The following CLTCL1 variants were observed in gnomAD, a reference collection of about 807,000 sequenced individuals.
The protein encoded by CLTCL1 is clathrin heavy chain 2.
In CLTCL1, 159 loss-of-function variants were observed where a neutral mutation model predicts 190.0. The observed-to-expected ratio is 0.84, with a 90% CI of 0.74 to 0.95. The LOEUF is 0.95. CLTCL1 is among the 40% of genes least tolerant of loss of function. CLTCL1 has a pLI of 0.00. For missense variants in CLTCL1, 1,878 were observed against 2,033.4 expected (o/e 0.92, Z 1.47); for synonymous variants, 752 against 769.6 (o/e 0.98, Z 0.38).
At chr22:19,222,590 A>T in intron 15 of CLTCL1, 94 bp downstream of exon 15, 1 of 1,427,400 alleles carries the variant, frequency 7.0e-7, no homozygotes, top group Non-Finnish European at 9.6e-7. Flanking sequence ...ATAGTCTCTG[A>T]AATGTCAGGT....
At chr22:19,279,085 T>C (rs547155498) in intron 1 of CLTCL1, among the ~76,000 whole-genome samples, 33 of 152,166 alleles carry the variant, frequency 2.2e-4, no homozygotes, top group African/African-American at 7.2e-4. Context: ...AGAAAAATCC[T>C]GAAAAATAGA....
intron 1 of CLTCL1, among the ~76,000 whole-genome samples, chr22:19,291,067 T>C (rs1555993088): frequency 6.6e-6 from 1 of 152,218 alleles, no homozygotes; most frequent in South Asian, 2.1e-4. Context: ...TGGGACCTTA[T>C]TAAAAAGGCA....
intron 1 of CLTCL1, among the ~76,000 whole-genome samples, chr22:19,283,315 C>T (rs1402951942): frequency 1.3e-5 from 2 of 151,954 alleles, no homozygotes; most frequent in Non-Finnish European, 2.9e-5. Context: ...GAGTCTTGCT[C>T]TGTCGCCAAG....
intron 2 of CLTCL1, among the ~76,000 whole-genome samples, chr22:19,268,709 T>C (rs191082326): frequency 4.6e-5 from 7 of 152,168 alleles, no homozygotes; most frequent in Admixed American, 4.6e-4. Flanking sequence ...AGTGTTGGCA[T>C]GGATGTGTGG....
At position 19,210,394 on chromosome 22, in the gene CLTCL1, T is replaced by C. The variant is rs563873320; in HGVS notation, c.3181A>G (p.Ser1061Gly). 147 of 1,614,052 alleles carry C rather than the reference T, an allele frequency of 9.1e-5. 2 individuals carry two copies. The South Asian group carries it at 1.5e-3, about 16-fold the overall frequency. Residue 1061 changes from serine (S) to glycine (G), a missense_variant, in exon 20 of 33, where the codon AGC becomes GGC. Physicochemically the swap from Ser to Gly is moderately conservative, Grantham distance 56. Coordinates refer to ENST00000427926, the MANE Select transcript of CLTCL1 (RefSeq NM_007098.4). The stretch of plus-strand genomic sequence containing the variant: ...AAGGCCTCCTCATACAGTGCGCTGC[T>C]GACAGCGATGCTCGCGATGTCCAGT... Reference protein sequence around the residue: ...DALDIASIAVSSALYEEAFTV... With the variant: ...DALDIASIAVGSALYEEAFTV...
At chr22:19,288,248 G>T (rs1366427020) in intron 1 of CLTCL1, among the ~76,000 whole-genome samples, 1 of 151,982 alleles carries the variant, frequency 6.6e-6, no homozygotes, top group African/African-American at 2.4e-5. Flanking sequence ...CTGGCATATT[G>T]TTATTATTGT....
At chr22:19,195,770 C>T (rs568503693) in intron 26 of CLTCL1, among the ~76,000 whole-genome samples, 3 of 152,158 alleles carry the variant, frequency 2.0e-5, no homozygotes, top group Non-Finnish European at 4.4e-5. Flanking sequence ...CAGAGAAACT[C>T]GGGTCCCGGT....
intron 3 of CLTCL1, among the ~76,000 whole-genome samples, chr22:19,244,171 T>C (rs559318369): frequency 1.9e-3 from 288 of 152,298 alleles, no homozygotes; most frequent in Non-Finnish European, 3.3e-3. Flanking sequence ...CTCAGTCTAT[T>C]CCTCACTCAC....
chr22:19,268,489 C>T (rs1230408852), intron 2 of CLTCL1, among the ~76,000 whole-genome samples: 1 of 151,954 alleles, frequency 6.6e-6, no homozygotes, highest in Non-Finnish European at 1.5e-5. Flanking sequence ...ATAAAGAACT[C>T]TTATAATTCA....
Position 19,216,199 on chromosome 22 carries a change from T to G in CLTCL1, c.2977A>C (p.Lys993Gln). 1.2e-6 allele frequency: 2 copies of G among 1,613,968 alleles called. No individual in the cohort carries two copies. The highest frequency in any genetic ancestry group is 1.7e-6 in the Non-Finnish European group (2 of 1,179,828). ...GGCAGGTCGGCTGTCATAAAGGCTT[T>G]GACAGTGACCGAAATCTCTTCAGGA... ...RDPEEISVTV[K>Q]AFMTADLPNE... The change falls in exon 19 of 33, where the codon AAA (lysine) becomes CAA (glutamine). Residue 993 changes from lysine to glutamine, a missense_variant. Transcript: ENST00000427926.
Position 19,226,337 on chromosome 22 carries a change from C to T in CLTCL1, c.1829G>A (p.Arg610Gln), listed in dbSNP as rs782293583. ...LGNKMFTHYD[R>Q]AHIAQLCEKA... ...CTCACAGAGCTGGGCAATGTGGGCC[C>T]GGTCGTAATGAGTAAACATTTTATT... Residue 610 changes from arginine (R) to glutamine (Q), a missense_variant, in exon 12 of 33, where the codon CGG becomes CAG. Physicochemically the swap from Arg to Gln is conservative, Grantham distance 43 (BLOSUM62 1). Transcript: ENST00000427926. 19 of 1,613,892 alleles carry T rather than the reference C, an allele frequency of 1.2e-5. No individual in the cohort carries two copies. The highest frequency in any genetic ancestry group is 2.2e-5 in the South Asian group (2 of 91,082).
rs782628585 is a variant in CLTCL1, at chr22:19,226,214, A to G, written c.1947+5T>C. On this transcript the variant is annotated splice_donor_5th_base_variant and intron_variant, in intron 12 of 32. Coordinates refer to ENST00000427926, the MANE Select transcript of CLTCL1 (RefSeq NM_007098.4). ...ATAATAGGAGTGCCCAGGGGTACACAGTACCTCGGGATTGAGGAGGTGAGT... is the reference window on the plus strand; with the variant it reads ...ATAATAGGAGTGCCCAGGGGTACACGGTACCTCGGGATTGAGGAGGTGAGT... The G allele has an allele frequency of 2.5e-6, 4 of 1,613,304 alleles. No individual in the cohort carries two copies. Among genetic ancestry groups the G allele is most frequent in the Admixed American group, 3.3e-5 (2 of 59,978 alleles).
chr22:19,238,238 C>T (rs2086142878), intron 5 of CLTCL1, among the ~76,000 whole-genome samples: 1 of 152,118 alleles, frequency 6.6e-6, no homozygotes, highest in Admixed American at 6.5e-5. Context: ...TACAGGTGCA[C>T]ACCGCCATGC....
chr22:19,251,752 A>G (rs1233853272), intron 3 of CLTCL1, among the ~76,000 whole-genome samples: 2 of 151,986 alleles, frequency 1.3e-5, no homozygotes, highest in Non-Finnish European at 2.9e-5. Flanking sequence ...CACCGTGCCC[A>G]GCCTAAATCT....
intron 3 of CLTCL1, among the ~76,000 whole-genome samples, chr22:19,253,201 C>G (rs2086650960): frequency 1.3e-5 from 2 of 152,062 alleles, no homozygotes; most frequent in Non-Finnish European, 2.9e-5. Flanking sequence ...CTATGTTAAC[C>G]ATCTAGATGC....
chr22:19,275,592 G>A, intron 2 of CLTCL1, 31 bp downstream of exon 2: 1 of 1,555,802 alleles, frequency 6.4e-7, no homozygotes, highest in South Asian at 1.2e-5. Context: ...AATGAGGTAA[G>A]ATTCCTTTCT....
At chr22:19,194,162 G>A (rs2084616729) in intron 26 of CLTCL1, among the ~76,000 whole-genome samples, 1 of 152,174 alleles carries the variant, frequency 6.6e-6, no homozygotes, top group South Asian at 2.1e-4. Flanking sequence ...GCTAGATGCA[G>A]AGTGCTGATT....
At chr22:19,245,555 G>A (rs2086394051) in intron 3 of CLTCL1, among the ~76,000 whole-genome samples, 2 of 152,094 alleles carry the variant, frequency 1.3e-5, no homozygotes, top group African/African-American at 4.8e-5. Context: ...TAAAGTGTAT[G>A]ATTGAATGGC....
chr22:19,282,913 G>A (rs2087774264), intron 1 of CLTCL1, among the ~76,000 whole-genome samples: 1 of 149,272 alleles, frequency 6.7e-6, no homozygotes, highest in African/African-American at 2.5e-5. Context: ...CTGTCACCCA[G>A]GCTGGAGTGC....
Sources: gnomAD v4.1 joint callset for allele counts (sites outside exome capture counted in the v4.1 genomes callset) on GRCh38, gnomAD v4.1.1 for gene constraint, MANE v1.5 for transcripts, NCBI Gene and HGNC (gene_info 2026-07-23, HGNC 2026-07-21) for gene names.